The following DDX54 variants were observed in gnomAD, a reference collection of about 807,000 sequenced individuals.
DDX54 encodes the protein DEAD-box helicase 54.
DDX54 carries 67 observed loss-of-function variants against 105.5 expected under a neutral mutation model. That is an observed-to-expected ratio of 0.64 (90% confidence interval 0.52 to 0.78). The LOEUF is 0.78. Ranked by LOEUF, DDX54 falls within the 30% of genes least tolerant of loss-of-function variation. The probability of loss-of-function intolerance (pLI) is 0.00; values close to 1 mark genes in which losing one functional copy is unlikely to be tolerated. For missense variants in DDX54, 1,206 were observed against 1,230.5 expected (o/e 0.98, Z 0.30); for synonymous variants, 514 against 509.9 (o/e 1.01, Z -0.11).
In DDX54 at chr12:113,172,551, G is replaced by A; in HGVS notation, c.1081C>T (p.Gln361Ter). 6.2e-7 allele frequency: 1 copy of A among 1,614,158 alleles called. No homozygotes were observed. The highest frequency in any genetic ancestry group is 8.5e-7 in the Non-Finnish European group (1 of 1,180,042). ...AEYLTELLTT[Q>*]RVSCAHIYSA... ...TAGATGTGGGCGCAGCTCACCCGCT[G>A]GGTCGTCAGCAGCTGCTCAGAGCAA... Residue 361 changes from glutamine (Q) to a stop codon, truncating the protein, a stop_gained, in exon 11 of 20, where the codon CAG becomes TAG. Coordinates refer to ENST00000306014, the MANE Select transcript of DDX54 (RefSeq NM_024072.4). LOFTEE classifies it high-confidence loss of function.
In DDX54 at chr12:113,161,051, G is replaced by C. The variant is rs565241952; in HGVS notation, c.2413+219C>G. On this transcript the variant is annotated intron_variant, in intron 19 of 19. Coordinates refer to ENST00000306014, the MANE Select transcript of DDX54 (RefSeq NM_024072.4). Reference sequence around the variant, plus strand: ...TCCCAGCGCCTGTCAGGCGGTGCTCGTGACCATCAGAGGCCGGGACAGTAG... The same window carrying C: ...TCCCAGCGCCTGTCAGGCGGTGCTCCTGACCATCAGAGGCCGGGACAGTAG... Among the ~76,000 whole-genome samples, 92 of 144,226 alleles carry C rather than the reference G, an allele frequency of 6.4e-4. 4 individuals carry two copies. The highest frequency in any genetic ancestry group is 3.9e-4 in the Non-Finnish European group (26 of 66,398). The allele number at this position is 144,226 out of a possible 152,430, so 94.6% of individuals were successfully genotyped here. A position where few individuals can be genotyped will look rare whatever the true frequency, so the allele number is the denominator to read the frequency against.
intron 19 of DDX54, chr12:113,159,316 C>A: frequency 2.3e-5 from 13 of 557,162 alleles, no homozygotes; most frequent in Admixed American, 1.1e-4. Flanking sequence ...CGCTGGGGTT[C>A]AAATCCCAGC....
In DDX54 at chr12:113,158,301, A is replaced by C. The variant is rs1229154635; in HGVS notation, c.*576T>G. On this transcript the variant is annotated 3_prime_UTR_variant, in exon 20 of 20. Coordinates refer to ENST00000306014, the MANE Select transcript of DDX54 (RefSeq NM_024072.4). This position sits in a 1 kb window ranked among gnomAD's most constrained non-coding sequence, Gnocchi z 4.9. ...CCCAGCTGCAACCATGTCCAGTGGG[A>C]GGAAGGGGGACCAACTCCCGCCTCT... is the stretch of plus-strand genomic sequence containing the variant. 1 of 153,126 alleles carries C rather than the reference A, an allele frequency of 6.5e-6. No homozygotes were observed. Among genetic ancestry groups the C allele is most frequent in the Non-Finnish European group, 1.5e-5 (1 of 68,746 alleles). The allele number at this position is 153,126 out of a possible 1,614,324, so 9.5% of individuals were successfully genotyped here.
intron 19 of DDX54, 36 bp downstream of exon 19, chr12:113,161,234 T>A: frequency 6.4e-7 from 1 of 1,553,022 alleles, no homozygotes; most frequent in Middle Eastern, 1.8e-4. Context: ...CTGCTCTGCC[T>A]ACCTGTGCAC....
intron 1 of DDX54, among the ~76,000 whole-genome samples, 164 bp downstream of exon 1, chr12:113,185,114 A>G (rs1296668385): frequency 6.6e-6 from 1 of 152,022 alleles, no homozygotes; most frequent in Non-Finnish European, 1.5e-5. Context: ...ACAAGCCCCG[A>G]GACACGTGCT....
rs528474548 is a variant in DDX54, at chr12:113,158,680, G to A, written c.*197C>T. 8 of 641,794 alleles carry A rather than the reference G, an allele frequency of 1.2e-5. No individual in the cohort carries two copies. Among genetic ancestry groups the A allele is most frequent in the Non-Finnish European group, 2.0e-5 (8 of 392,846 alleles). 39.8% of individuals were successfully genotyped at this position (641,794 alleles called of 1,614,324 possible). ...ACTCCTGCACACCCTTCAAGGCCCT[G>A]TTCAAATGTCTCTGTCTTAGGCTGA... is the stretch of plus-strand genomic sequence containing the variant. On this transcript the variant is annotated 3_prime_UTR_variant, in exon 20 of 20. Coordinates refer to ENST00000306014, the MANE Select transcript of DDX54 (RefSeq NM_024072.4). This position sits in a 1 kb window ranked among gnomAD's most constrained non-coding sequence, Gnocchi z 4.9.
chr12:113,162,679 A>C, intron 17 of DDX54: 65 of 351,578 alleles, frequency 1.8e-4, no homozygotes, highest in Middle Eastern at 8.2e-4. Flanking sequence ...ACTTCAGGGA[A>C]TGGAGGTAGG....
intron 2 of DDX54, 88 bp from the exon 3 acceptor site, chr12:113,180,093 T>A: frequency 8.1e-7 from 1 of 1,236,716 alleles, no homozygotes; most frequent in Non-Finnish European, 1.2e-6. Flanking sequence ...GACAGCTTCA[T>A]CAACAATAAA....
intron 2 of DDX54, 101 bp from the exon 3 acceptor site, chr12:113,180,106 G>T: frequency 9.1e-7 from 1 of 1,093,884 alleles, no homozygotes; most frequent in Non-Finnish European, 1.4e-6. Flanking sequence ...ACAATAAACA[G>T]CAAGGGAAAA....
chr12:113,164,407 C>G, intron 14 of DDX54, 122 bp from the exon 15 acceptor site: 1 of 1,239,608 alleles, frequency 8.1e-7, no homozygotes, highest in Admixed American at 2.6e-5. Flanking sequence ...ATTATCTGCA[C>G]TTCACAATTA....
At position 113,169,916 on chromosome 12, in the gene DDX54, A is replaced by G; in HGVS notation, c.1280-12T>C. Reference sequence around the variant, plus strand: ...CCGAGCCACACGGCCTGCAGCAAGGAGACGTTCAAGCTTAATTAAGCAAAG... The same window carrying G: ...CCGAGCCACACGGCCTGCAGCAAGGGGACGTTCAAGCTTAATTAAGCAAAG... On this transcript the variant is annotated splice_polypyrimidine_tract_variant and intron_variant, in intron 11 of 19. Transcript: ENST00000306014. 1 of 1,613,884 alleles carries G rather than the reference A, an allele frequency of 6.2e-7. No homozygotes were observed. Among genetic ancestry groups the G allele is most frequent in the South Asian group, 1.1e-5 (1 of 91,078 alleles).
At position 113,157,579 on chromosome 12, in the gene DDX54, G is replaced by T. The variant is rs1366005753; in HGVS notation, c.*1298C>A. 6.5e-7 allele frequency: 1 copy of T among 1,550,216 alleles called. No homozygotes were observed. The highest frequency in any genetic ancestry group is 8.7e-7 in the Non-Finnish European group (1 of 1,145,914). On this transcript the variant is annotated 3_prime_UTR_variant, in exon 20 of 20. Transcript: ENST00000306014. ...GACAGTGACTCTGGGGCTGGGATGT[G>T]ACTTCGTGCTGGGCCCCCCCAGGTG...
chr12:113,175,681 C>T (rs1379933512), intron 7 of DDX54, among the ~76,000 whole-genome samples: 12 of 151,912 alleles, frequency 7.9e-5, no homozygotes, highest in Non-Finnish European at 1.2e-4. Context: ...CCCAGCTACT[C>T]GAGAGGCTGA....
At position 113,185,358 on chromosome 12, in the gene DDX54, C is replaced by G. The variant is rs1357285595; in HGVS notation, c.94G>C (p.Ala32Pro). 1 of 1,583,488 alleles carries G rather than the reference C, an allele frequency of 6.3e-7. No individual in the cohort carries two copies. Among genetic ancestry groups the G allele is most frequent in the Non-Finnish European group, 8.6e-7 (1 of 1,167,868 alleles). The change falls in exon 1 of 20, where the codon GCG becomes CCG. Residue 32 changes from alanine (A) to proline (P), a missense_variant. Ala to Pro is a conservative substitution (Grantham distance 27, BLOSUM62 -1). Transcript: ENST00000306014. ...TCGCTGCCGCGGGCCTGGGAGGCCGCGCCTCGGCGCTTCCGGAGCCCTTTC... is the reference window on the plus strand; with the variant it reads ...TCGCTGCCGCGGGCCTGGGAGGCCGGGCCTCGGCGCTTCCGGAGCCCTTTC... Reference protein sequence around the residue: ...KKKGLRKRRGAASQARGSDSE... With the variant: ...KKKGLRKRRGPASQARGSDSE...
At position 113,162,921 on chromosome 12, in the gene DDX54, C is replaced by CG; in HGVS notation, c.2195+10dup. 1 of 1,578,780 alleles carries CG rather than the reference C, an allele frequency of 6.3e-7. No individual in the cohort carries two copies. Among genetic ancestry groups the CG allele is most frequent in the Non-Finnish European group, 8.6e-7 (1 of 1,167,686 alleles). On this transcript the variant is annotated intron_variant, in intron 17 of 19. Coordinates refer to ENST00000306014, the MANE Select transcript of DDX54 (RefSeq NM_024072.4). ...CCCGAGCATGGAGGGGCGGCTCACTCGATCACTCACCACTTGAGCTGCTGC... is the reference window on the plus strand; with the variant it reads ...CCCGAGCATGGAGGGGCGGCTCACTCGGATCACTCACCACTTGAGCTGCTGC...
chr12:113,176,775 T>G, intron 7 of DDX54, 65 bp downstream of exon 7: 2 of 1,557,104 alleles, frequency 1.3e-6, no homozygotes, highest in Non-Finnish European at 1.8e-6. Flanking sequence ...TTCCTCTGGT[T>G]GACCTCTCTG....
chr12:113,172,122 GTT>G (rs907414703), intron 11 of DDX54, among the ~76,000 whole-genome samples: 1 of 141,446 alleles, frequency 7.1e-6, no homozygotes. Flanking sequence ...TAATTGGGTT[GTT>G]TTTTTTTTTT....
rs138494490 is a variant in DDX54, at chr12:113,157,435, G to C, written c.*1442C>G. On this transcript the variant is annotated 3_prime_UTR_variant, in exon 20 of 20. Coordinates refer to ENST00000306014, the MANE Select transcript of DDX54 (RefSeq NM_024072.4). ...GCCTGAGGCTTTCAAAACCCAGAAC[G>C]GTTTAGGATCTCAGTCACCACCTCT... 3.2e-6 allele frequency: 2 copies of C among 621,664 alleles called. No individual in the cohort carries two copies. Among genetic ancestry groups the C allele is most frequent in the African/African-American group, 3.6e-5 (2 of 54,798 alleles). The allele number at this position is 621,664 out of a possible 1,614,324, so 38.5% of individuals were successfully genotyped here.
rs915475451 is a variant in DDX54, at chr12:113,165,722, T to C, written c.1646-5A>G. The stretch of plus-strand genomic sequence containing the variant: ...CCTCCTCCTCAAAACGCGAGCCTGG[T>C]AGGAAAGCAGCAAGGTGTGAGGCTG... On this transcript the variant is annotated splice_region_variant and splice_polypyrimidine_tract_variant and intron_variant, in intron 13 of 19. Coordinates refer to ENST00000306014, the MANE Select transcript of DDX54 (RefSeq NM_024072.4). 1.2e-6 allele frequency: 2 copies of C among 1,612,696 alleles called. No homozygotes were observed. The highest frequency in any genetic ancestry group is 1.3e-5 in the African/African-American group (1 of 74,890).
Sources: allele counts gnomAD v4.1 joint callset (sites outside exome capture counted in the v4.1 genomes callset), GRCh38; gene constraint gnomAD v4.1.1; non-coding constraint Gnocchi (gnomAD v3.1); transcripts MANE v1.5; gene names NCBI Gene and HGNC (gene_info 2026-07-23, HGNC 2026-07-21).